Variants in USP6 observed in about 807,000 individuals in gnomAD.
USP6 encodes ubiquitin specific peptidase 6, also known as ubiquitin carboxyl-terminal hydrolase 6.
Under a neutral mutation model 175.7 loss-of-function variants are expected in USP6, and 128 were observed. The ratio of observed to expected loss-of-function variants is 0.73; its 90% CI spans 0.63 to 0.84. The LOEUF is 0.84. Ranked by LOEUF, USP6 falls within the 40% of genes least tolerant of loss-of-function variation. USP6 has a pLI of 0.00. For synonymous variants in USP6, 562 were observed against 630.6 expected, an observed-to-expected ratio of 0.89 and a Z score of 1.63; for missense variants, 1,498 against 1,760.3, an observed-to-expected ratio of 0.85 and a Z score of 2.67.
chr17:5,141,543 AT>A lies in USP6; in HGVS notation c.1573+52del, dbSNP rs375375972. ...TTTTTAAAGAGATTATTTTAAATGT[AT>A]TTTTTTTCTTCTTTCAACTATTAAA... On this transcript the variant is annotated intron_variant, in intron 23 of 37. Transcript: ENST00000574788. The A allele has an allele frequency of 1.5e-4, 231 of 1,500,158 alleles. No homozygotes were observed. In the African/African-American group the frequency reaches 1.7e-3, roughly 11 times the overall value. The allele number at this position is 1,500,158 out of a possible 1,614,324, so 92.9% of individuals were successfully genotyped here.
intron 4 of USP6, among the ~76,000 whole-genome samples, chr17:5,122,632 C>T (rs548088346): frequency 1.9e-4 from 29 of 152,326 alleles, no homozygotes; most frequent in South Asian, 1.9e-3. Context: ...CCGGAACGGC[C>T]GGCTGCAACG....
At chr17:5,160,197 A>C (rs993895806) in intron 31 of USP6, among the ~76,000 whole-genome samples, 5 of 152,166 alleles carry the variant, frequency 3.3e-5, no homozygotes, top group South Asian at 4.1e-4. Context: ...ATCAGTGATC[A>C]TTCACTGGAT....
In USP6 at chr17:5,132,567, G is replaced by A. The variant is rs1279762755; in HGVS notation, c.195+132G>A. The A allele has an allele frequency of 7.2e-6, 11 of 1,519,626 alleles. No homozygotes were observed. The highest frequency in any genetic ancestry group is 1.0e-5 in the Non-Finnish European group (11 of 1,096,476). 94.1% of individuals were successfully genotyped at this position (1,519,626 alleles called of 1,614,324 possible). On this transcript the variant is annotated intron_variant, in intron 12 of 37. Transcript: ENST00000574788. This position sits in a 1 kb window ranked among gnomAD's most constrained non-coding sequence, Gnocchi z 4.7. The stretch of plus-strand genomic sequence containing the variant: ...CACGCTGTCACTGGGAGGGGCAGCA[G>A]AGACCTGACCCCAAGTTGCTGTAAC...
intron 16 of USP6, 110 bp downstream of exon 16, chr17:5,135,392 A>G: frequency 7.3e-7 from 1 of 1,375,464 alleles, no homozygotes; most frequent in Non-Finnish European, 1.0e-6. Context: ...GTGACTCACC[A>G]GGATATAGGA....
chr17:5,161,189 T>C lies in USP6; in HGVS notation c.2829-339T>C, dbSNP rs575437280. ...TCATGGAAAGATCTAATTATTTTAGTTTAATGTGAATTAAATCCTCTGATA... is the reference window on the plus strand; with the variant it reads ...TCATGGAAAGATCTAATTATTTTAGCTTAATGTGAATTAAATCCTCTGATA... On this transcript the variant is annotated intron_variant, in intron 31 of 37. Coordinates refer to ENST00000574788, the MANE Select transcript of USP6 (RefSeq NM_001304284.2). Among the ~76,000 whole-genome samples the C allele has an allele frequency of 6.0e-4, 92 of 152,356 alleles. No individual in the cohort carries two copies. In the South Asian group the frequency reaches 0.016, roughly 26 times the overall value.
At chr17:5,120,359 C>T (rs1000542831) in intron 2 of USP6, among the ~76,000 whole-genome samples, 4 of 152,154 alleles carry the variant, frequency 2.6e-5, no homozygotes, top group African/African-American at 9.7e-5. Context: ...GTTGTTATCT[C>T]TCAGGGCTTA....
chr17:5,160,588 T>C (rs1348105808), intron 31 of USP6, among the ~76,000 whole-genome samples: 1 of 152,226 alleles, frequency 6.6e-6, no homozygotes, highest in Non-Finnish European at 1.5e-5. Flanking sequence ...AGTTACTCCA[T>C]GGTGTATATG....
At chr17:5,145,985 C>A in intron 27 of USP6, 38 bp from the exon 28 acceptor site, 1 of 1,536,588 alleles carries the variant, frequency 6.5e-7, no homozygotes, top group Non-Finnish European at 8.8e-7. Context: ...TCAATGAAAC[C>A]TGCATTTTAC....
rs2072547989 is a variant in USP6, at chr17:5,116,758, T to C, written c.-1928+18T>C. 1.3e-5 allele frequency: 2 copies of C among 152,256 alleles called. No individual in the cohort carries two copies. The highest frequency in any genetic ancestry group is 4.8e-5 in the African/African-American group (2 of 41,462). 9.4% of individuals were successfully genotyped at this position (152,256 alleles called of 1,614,324 possible). A position where few individuals can be genotyped will look rare whatever the true frequency, so the allele number is the denominator to read the frequency against. ...TACTAGTTGTGAGTCTTTGGGCAAA[T>C]TTGCCTTTCTAGAGCGTAGTTTCTT... On this transcript the variant is annotated intron_variant, in intron 1 of 37. Coordinates refer to ENST00000574788, the MANE Select transcript of USP6 (RefSeq NM_001304284.2).
At chr17:5,139,902 C>G (rs764926219) in intron 22 of USP6, among the ~76,000 whole-genome samples, 49 of 152,058 alleles carry the variant, frequency 3.2e-4, no homozygotes. Context: ...GATAATTTCC[C>G]GAGGCTTAAC....
At chr17:5,117,511 G>A (rs552703270) in intron 1 of USP6, among the ~76,000 whole-genome samples, 65 of 139,036 alleles carry the variant, frequency 4.7e-4, no homozygotes, top group Middle Eastern at 4.0e-3. Flanking sequence ...GCGAGACTCC[G>A]TCTCAAAAAA....
At position 5,133,978 on chromosome 17, in the gene USP6, G is replaced by C; in HGVS notation, c.476G>C (p.Arg159Thr). The C allele has an allele frequency of 6.2e-7, 1 of 1,614,110 alleles. No homozygotes were observed. Among genetic ancestry groups the C allele is most frequent in the Non-Finnish European group, 8.5e-7 (1 of 1,179,988 alleles). Residue 159 changes from arginine (R) to threonine (T), a missense_variant, in exon 15 of 38, where the codon AGG (arginine) becomes ACG (threonine). This residue lies in a region of USP6 where 281 missense variants were observed against 259.6 expected (regional missense o/e 1.08). Transcript: ENST00000574788. ...ACTCTCCGGAACCATGTCTTCTTTA[G>C]GGATCGATATGGAGCCAAGTAAGCC... Reference protein sequence around the residue: ...RTTLRNHVFFRDRYGAKQREL... With the variant: ...RTTLRNHVFFTDRYGAKQREL...
chr17:5,155,359 A>T, intron 30 of USP6, 63 bp from the exon 31 acceptor site: 1 of 1,573,194 alleles, frequency 6.4e-7, no homozygotes, highest in Non-Finnish European at 8.7e-7. Context: ...CAGAGTTAGA[A>T]GAACTAAAGG....
At chr17:5,116,814 A>C (rs1354054998) in intron 1 of USP6, 74 bp downstream of exon 1, 1 of 152,270 alleles carries the variant, frequency 6.6e-6, no homozygotes, top group African/African-American at 2.4e-5. Context: ...AGTTGCACTC[A>C]CTGAGGTAAA....
chr17:5,134,275 CACG>C, intron 15 of USP6: 1 of 423,002 alleles, frequency 2.4e-6, no homozygotes, highest in Non-Finnish European at 4.4e-6. Context: ...CTCCCTGACC[CACG>C]GAGACCCATG....
At chr17:5,159,981 A>G (rs935417936) in intron 31 of USP6, among the ~76,000 whole-genome samples, 20 of 146,892 alleles carry the variant, frequency 1.4e-4, no homozygotes, top group African/African-American at 1.0e-4. Context: ...AAAAAAAAAA[A>G]TGGAAAAAGT....
intron 7 of USP6, among the ~76,000 whole-genome samples, 178 bp downstream of exon 7, chr17:5,127,817 A>G (rs2072939387): frequency 6.6e-6 from 1 of 152,258 alleles, no homozygotes; most frequent in Non-Finnish European, 1.5e-5. Context: ...TATGTGTAAT[A>G]CAATGCAGAT....
chr17:5,149,322 G>T (rs946038159), intron 30 of USP6, among the ~76,000 whole-genome samples: 1 of 152,178 alleles, frequency 6.6e-6, no homozygotes, highest in Non-Finnish European at 1.5e-5. Context: ...AGAATTGCTT[G>T]AACCCAGGAG....
At chr17:5,158,345 T>G (rs2073930022) in intron 31 of USP6, among the ~76,000 whole-genome samples, 1 of 152,014 alleles carries the variant, frequency 6.6e-6, no homozygotes, top group African/African-American at 2.4e-5. Flanking sequence ...GGTGGGAGGA[T>G]CACTTGACGC....
Sources: gnomAD v4.1 joint callset for allele counts (sites outside exome capture counted in the v4.1 genomes callset) on GRCh38, gnomAD v4.1.1 for gene constraint, gnomAD v4.1.1 regional missense constraint, Gnocchi (gnomAD v3.1) non-coding constraint, MANE v1.5 for transcripts, NCBI Gene and HGNC (gene_info 2026-07-23, HGNC 2026-07-21) for gene names.